Variants in NQO2 observed in about 807,000 individuals in gnomAD.
The protein encoded by NQO2 is N-ribosyldihydronicotinamide:quinone dehydrogenase 2.
A neutral mutation model predicts 22.0 loss-of-function variants in NQO2; 18 were observed. The observed-to-expected ratio is 0.82, with a 90% confidence interval of 0.56 to 1.21. The LOEUF is 1.21. NQO2 is among the 50% of genes most tolerant of loss of function. NQO2 has a pLI of 0.00. For missense variants in NQO2, 267 were observed against 286.9 expected (o/e 0.93, Z 0.50); for synonymous variants, 106 against 110.8 (o/e 0.96, Z 0.28).
Position 3,012,646 on chromosome 6 carries a change from T to C in NQO2, c.275T>C (p.Val92Ala), listed in dbSNP as rs1757175324. Residue 92 changes from valine to alanine, a missense_variant, in exon 4 of 7, where the codon GTT becomes GCT. Coordinates refer to ENST00000380455, the MANE Select transcript of NQO2 (RefSeq NM_000904.6). Reference protein sequence around the residue: ...ASDITDEQKKVREADLVIFQF... With the variant: ...ASDITDEQKKAREADLVIFQF... ...GACATCACTGATGAGCAGAAAAAGG[T>C]TCGGGAGGCTGACCTAGTGATATTT... The C allele has an allele frequency of 6.2e-7, 1 of 1,613,940 alleles. No individual in the cohort carries two copies.
At chr6:3,012,946 CTTTT>C (rs751626888) in intron 4 of NQO2, among the ~76,000 whole-genome samples, 11 of 60,724 alleles carry the variant, frequency 1.8e-4, no homozygotes, top group East Asian at 8.4e-4. Flanking sequence ...TGTAACACTA[CTTTT>C]TTTTTTTTTT....
intron 1 of NQO2, chr6:3,003,621 T>C: frequency 1.6e-6 from 1 of 609,170 alleles, no homozygotes; most frequent in Non-Finnish European, 2.1e-6. Flanking sequence ...CAAACAATAC[T>C]ACCTGTATTC....
chr6:3,019,287 T>C, intron 6 of NQO2, 192 bp from the exon 7 acceptor site: 1 of 918,462 alleles, frequency 1.1e-6, no homozygotes, highest in Non-Finnish European at 1.3e-6. Flanking sequence ...CCCCAAGTTC[T>C]TCACGGCTCT....
intron 4 of NQO2, among the ~76,000 whole-genome samples, chr6:3,014,856 G>C (rs1240238963): frequency 6.6e-6 from 1 of 152,170 alleles, no homozygotes; most frequent in African/African-American, 2.4e-5. Context: ...GAGGCACAGG[G>C]AGGTCAAGTA....
At chr6:3,019,417 A>C in intron 6 of NQO2, 62 bp from the exon 7 acceptor site, 1 of 1,511,736 alleles carries the variant, frequency 6.6e-7, no homozygotes, top group South Asian at 1.3e-5. Flanking sequence ...TAAATCATTT[A>C]ACTGAATGGT....
intron 6 of NQO2, among the ~76,000 whole-genome samples, chr6:3,018,660 A>G (rs1258787346): frequency 6.6e-6 from 1 of 152,158 alleles, no homozygotes; most frequent in African/African-American, 2.4e-5. Context: ...ATTGAGTGTG[A>G]CATTTTTAGA....
intron 4 of NQO2, among the ~76,000 whole-genome samples, chr6:3,013,900 A>T (rs3757081): frequency 0.83 from 126,836 of 152,182 alleles, 53,393 homozygotes; most frequent in African/African-American, 0.96. Context: ...GCTCTCGTCC[A>T]CAGATTCCCA....
At chr6:3,001,130 C>A (rs1756695593) in intron 1 of NQO2, among the ~76,000 whole-genome samples, 1 of 149,378 alleles carries the variant, frequency 6.7e-6, no homozygotes, top group African/African-American at 2.5e-5. Flanking sequence ...ACTCTTATTG[C>A]CCAAGCTGGA....
At chr6:3,012,841 TTTCACCTAGTTACACCAC>T (rs1351699373) in intron 4 of NQO2, among the ~76,000 whole-genome samples, 167 bp downstream of exon 4, 7 of 151,712 alleles carry the variant, frequency 4.6e-5, no homozygotes, top group Admixed American at 4.6e-4. Context: ...AGTTACAACA[TTTCACCTAGTTACACCAC>T]TTCACCTAGT....
At chr6:3,002,556 C>T (rs189163857) in intron 1 of NQO2, among the ~76,000 whole-genome samples, 8 of 152,214 alleles carry the variant, frequency 5.3e-5, no homozygotes, top group African/African-American at 1.9e-4. Flanking sequence ...GTGATCCCCC[C>T]ACCTCGGCCC....
chr6:3,000,764 C>G (rs2113422748), intron 1 of NQO2, among the ~76,000 whole-genome samples: 1 of 152,276 alleles, frequency 6.6e-6, no homozygotes, highest in Admixed American at 6.5e-5. Context: ...GTCTCAAACT[C>G]CTGACCTCGT....
rs1053893364 is a variant in NQO2, at chr6:3,012,336, A to C, written c.173-208A>C. 5.2e-6 allele frequency: 5 copies of C among 955,608 alleles called. No homozygotes were observed. The African/African-American group carries it at 8.8e-5, about 17-fold the overall frequency. 59.2% of individuals were successfully genotyped at this position (955,608 alleles called of 1,614,324 possible). A position where few individuals can be genotyped will look rare whatever the true frequency, so the allele number is the denominator to read the frequency against. ...AAAGGTGATGTGTGTAGAGCACAGC[A>C]CCTGCTAGGTAGCAAGTGCTCAATC... On this transcript the variant is annotated intron_variant, in intron 3 of 6. Coordinates refer to ENST00000380455, the MANE Select transcript of NQO2 (RefSeq NM_000904.6).
intron 4 of NQO2, among the ~76,000 whole-genome samples, chr6:3,013,597 C>T (rs1467590729): frequency 6.6e-6 from 1 of 152,068 alleles, no homozygotes; most frequent in African/African-American, 2.4e-5. Context: ...TGCTTCACCC[C>T]CAGCCCAGCC....
At chr6:3,011,537 G>T (rs73349551) in intron 3 of NQO2, among the ~76,000 whole-genome samples, 5,160 of 152,158 alleles carry the variant, frequency 0.034, 147 homozygotes, top group African/African-American at 0.074. Context: ...CTTATTCAAA[G>T]AAATAATAAC....
chr6:3,012,461 G>C, intron 3 of NQO2, 83 bp from the exon 4 acceptor site: 1 of 1,582,248 alleles, frequency 6.3e-7, no homozygotes, highest in Middle Eastern at 1.7e-4. Flanking sequence ...GAGGAGTCCG[G>C]TATACACAGT....
At chr6:3,000,991 T>C (rs1215275514) in intron 1 of NQO2, among the ~76,000 whole-genome samples, 2 of 152,064 alleles carry the variant, frequency 1.3e-5, no homozygotes, top group East Asian at 1.9e-4. Flanking sequence ...TACAGGCGCC[T>C]GCCACCATGC....
rs1046360740 is a variant in NQO2 at position 3,003,794 on chromosome 6, T to G, written c.-85-2674T>G. Reference sequence around the variant, plus strand: ...ATGTACCTTAAACACAGCAAGGTACTTGGACACAAAGCCTGTGCCTGGAGC... The same window carrying G: ...ATGTACCTTAAACACAGCAAGGTACGTGGACACAAAGCCTGTGCCTGGAGC... On this transcript the variant is annotated intron_variant, in intron 1 of 6. Coordinates refer to ENST00000380455, the MANE Select transcript of NQO2 (RefSeq NM_000904.6). 41 of 955,654 alleles carry G rather than the reference T, an allele frequency of 4.3e-5. 1 individual carries two copies. The Admixed American group carries it at 2.3e-3, about 54-fold the overall frequency. The allele number at this position is 955,654 out of a possible 1,614,324, so 59.2% of individuals were successfully genotyped here.
At position 3,010,037 on chromosome 6, in the gene NQO2, T is replaced by A. The variant is rs762263327; in HGVS notation, c.20T>A (p.Leu7His). The A allele has an allele frequency of 1.2e-6, 2 of 1,612,494 alleles. No homozygotes were observed. Among genetic ancestry groups the A allele is most frequent in the Admixed American group, 1.7e-5 (1 of 59,432 alleles). MAGKKV[L>H]IVYAHQEPKS... The stretch of plus-strand genomic sequence containing the variant: ...TATCCTGATTTAGGTAAGAAAGTAC[T>A]CATTGTCTATGCACACCAGGAACCC... Residue 7 changes from leucine (L) to histidine (H), a missense_variant, in exon 3 of 7, where the codon CTC (leucine) becomes CAC (histidine). Leu to His is a moderately conservative substitution (Grantham distance 99). Transcript: ENST00000380455.
rs1011054371 is a variant in NQO2 at position 3,006,634 on chromosome 6, T to C, written c.7+75T>C. On this transcript the variant is annotated intron_variant, in intron 2 of 6. Transcript: ENST00000380455. The surrounding 1 kb of genome is among the most constrained non-coding windows in gnomAD (Gnocchi z 4.0). Reference sequence around the variant, plus strand: ...TTTTGTTGTATTGCCCAGGCTGGTCTCAAACTCCTGAGCTCAAGTGACCCT... The same window carrying C: ...TTTTGTTGTATTGCCCAGGCTGGTCCCAAACTCCTGAGCTCAAGTGACCCT... 38 of 1,456,160 alleles carry C rather than the reference T, an allele frequency of 2.6e-5. No individual in the cohort carries two copies. In the East Asian group the frequency reaches 9.8e-4, roughly 37 times the overall value. The allele number at this position is 1,456,160 out of a possible 1,614,324, so 90.2% of individuals were successfully genotyped here.
Sources: gnomAD v4.1 joint callset for allele counts (sites outside exome capture counted in the v4.1 genomes callset) on GRCh38, gnomAD v4.1.1 for gene constraint, Gnocchi (gnomAD v3.1) non-coding constraint, MANE v1.5 for transcripts, NCBI Gene and HGNC (gene_info 2026-07-23, HGNC 2026-07-21) for gene names.